SDK2: variants seen among roughly 807,000 people sequenced by gnomAD.
SDK2 encodes protein sidekick-2.
Under a neutral mutation model 253.9 loss-of-function variants are expected in SDK2, and 105 were observed. The ratio of observed to expected loss-of-function variants is 0.41; its 90% CI spans 0.35 to 0.49. The LOEUF (loss-of-function observed/expected upper bound fraction) is 0.49, where lower values mean the gene tolerates loss of function less well. Among genes scored for constraint, SDK2 ranks in the 20% least tolerant of loss-of-function variants. SDK2 has a pLI of 0.06. For missense variants in SDK2, 2,608 were observed against 3,003.0 expected, an observed-to-expected ratio of 0.87 and a Z score of 3.07; for synonymous variants, 1,249 against 1,234.9, an observed-to-expected ratio of 1.01 and a Z score of -0.24.
rs2063592560 is a variant in SDK2, at chr17:73,465,781, G to A, written c.331+6331C>T. ...TTGGGAAGGGGGCTGGGTGCCAGGG[G>A]TTGGCCAGCCTGGCTCCATGATAGG... is the stretch of plus-strand genomic sequence containing the variant. On this transcript the variant is annotated intron_variant, in intron 3 of 44. Coordinates refer to ENST00000392650, the MANE Select transcript of SDK2 (RefSeq NM_001144952.2). The surrounding 1 kb of genome is among the most constrained non-coding windows in gnomAD (Gnocchi z 4.2). Among the ~76,000 whole-genome samples the A allele has an allele frequency of 6.6e-6, 1 of 152,188 alleles. No individual in the cohort carries two copies. The highest frequency in any genetic ancestry group is 2.4e-5 in the African/African-American group (1 of 41,448).
intron 1 of SDK2, among the ~76,000 whole-genome samples, chr17:73,633,247 C>A (rs543443831): frequency 1.3e-5 from 2 of 152,088 alleles, no homozygotes; most frequent in Admixed American, 1.3e-4. Context: ...ACTACGCCAC[C>A]GCCCTCCAGC....
At position 73,616,328 on chromosome 17, in the gene SDK2, A is replaced by G. The variant is rs554186674; in HGVS notation, c.64+27697T>C. Among the ~76,000 whole-genome samples the G allele has an allele frequency of 6.6e-6, 1 of 151,300 alleles. No individual in the cohort carries two copies. Among genetic ancestry groups the G allele is most frequent in the African/African-American group, 2.4e-5 (1 of 41,070 alleles). ...ATTTCCACCCCCGGCTCCCCACCTC[A>G]ACAGTCTCCCCAGCCCCAGCTCAGC... On this transcript the variant is annotated intron_variant, in intron 1 of 44. Coordinates refer to ENST00000392650, the MANE Select transcript of SDK2 (RefSeq NM_001144952.2). This position sits in a 1 kb window ranked among gnomAD's most constrained non-coding sequence, Gnocchi z 5.2.
chr17:73,401,112 G>A lies in SDK2; in HGVS notation c.2879C>T (p.Ala960Val), dbSNP rs139022524. Residue 960 changes from alanine to valine, a missense_variant, in exon 21 of 45, where the codon GCG becomes GTG. This residue lies in a region of SDK2 where 1,505 missense variants were observed against 1,859.1 expected (regional missense o/e 0.81). Coordinates refer to ENST00000392650, the MANE Select transcript of SDK2 (RefSeq NM_001144952.2). ...TLEYRVTGLT[A>V]LTTYTIEVAA... ...CACCTCGATGGTGTAGGTGGTGAGC[G>A]CGGTGAGGCCCGTGACACGGTACTC... 14 of 1,564,998 alleles carry A rather than the reference G, an allele frequency of 8.9e-6. No individual in the cohort carries two copies. The highest frequency in any genetic ancestry group is 3.8e-5 in the Admixed American group (2 of 52,470).
chr17:73,390,230 C>G, intron 29 of SDK2, 57 bp downstream of exon 29: 1 of 1,427,966 alleles, frequency 7.0e-7, no homozygotes, highest in South Asian at 1.4e-5. Context: ...GCTCAGAGCA[C>G]TGGCTGGCCC....
chr17:73,447,395 G>T lies in SDK2; in HGVS notation c.613+220C>A, dbSNP rs941359038. ...TCTCTACCGATGCAGGATCTCAGGC[G>T]TGTCATGGGAACGGGCTCCAGCGTT... On this transcript the variant is annotated intron_variant, in intron 5 of 44. Coordinates refer to ENST00000392650, the MANE Select transcript of SDK2 (RefSeq NM_001144952.2). The surrounding 1 kb of genome is among the most constrained non-coding windows in gnomAD (Gnocchi z 4.0). 6.6e-6 allele frequency among the ~76,000 whole-genome samples: 1 copy of T among 152,050 alleles called. No individual in the cohort carries two copies. The highest frequency in any genetic ancestry group is 2.4e-5 in the African/African-American group (1 of 41,382).
intron 8 of SDK2, among the ~76,000 whole-genome samples, chr17:73,436,143 C>T (rs929375490): frequency 2.0e-5 from 3 of 152,118 alleles, no homozygotes; most frequent in Non-Finnish European, 1.5e-5. Context: ...AAACGAATGG[C>T]GCCCTGTGTC....
rs1213972093 is a variant in SDK2, at chr17:73,401,212, C to T, written c.2780-1G>A. The T allele has an allele frequency of 1.3e-6, 2 of 1,544,110 alleles. No homozygotes were observed. Among genetic ancestry groups the T allele is most frequent in the Non-Finnish European group, 1.8e-6 (2 of 1,141,556 alleles). ...TACTCCTCCCAGGAGATCCGGTACCCTGGGGAGAGCCGCCGTGTTGGCATG... is the reference window on the plus strand; with the variant it reads ...TACTCCTCCCAGGAGATCCGGTACCTTGGGGAGAGCCGCCGTGTTGGCATG... On this transcript the variant is annotated splice_acceptor_variant, in intron 20 of 44. Coordinates refer to ENST00000392650, the MANE Select transcript of SDK2 (RefSeq NM_001144952.2). LOFTEE classifies it high-confidence loss of function.
At chr17:73,355,905 G>A (rs1187011494) in intron 40 of SDK2, among the ~76,000 whole-genome samples, 4 of 152,166 alleles carry the variant, frequency 2.6e-5, no homozygotes, top group Non-Finnish European at 5.9e-5. Flanking sequence ...ACATGCCTCT[G>A]AATTCTCTCA....
chr17:73,506,493 A>G (rs77113071), intron 2 of SDK2, among the ~76,000 whole-genome samples: 5,027 of 152,010 alleles, frequency 0.033, 170 homozygotes, highest in East Asian at 0.16. Context: ...TGGCCTCCGC[A>G]CTCCCTAAAG....
At chr17:73,578,190 G>T (rs1254696448) in intron 1 of SDK2, among the ~76,000 whole-genome samples, 1 of 151,960 alleles carries the variant, frequency 6.6e-6, no homozygotes, top group South Asian at 2.1e-4. Flanking sequence ...CTCCCGAGTA[G>T]CTGGGATTAC....
intron 1 of SDK2, among the ~76,000 whole-genome samples, chr17:73,621,280 G>C (rs1198756274): frequency 6.6e-6 from 1 of 152,220 alleles, no homozygotes; most frequent in Non-Finnish European, 1.5e-5. Flanking sequence ...AGAGTTTGCA[G>C]TTTGAATCAA....
rs7209444 is a variant in SDK2 at position 73,447,870 on chromosome 17, C to A, written c.480-122G>T. 52 of 1,144,462 alleles carry A rather than the reference C, an allele frequency of 4.5e-5. No individual in the cohort carries two copies. Among genetic ancestry groups the A allele is most frequent in the South Asian group, 3.0e-4 (20 of 66,276 alleles). 70.9% of individuals were successfully genotyped at this position (1,144,462 alleles called of 1,614,324 possible). The stretch of plus-strand genomic sequence containing the variant: ...TCTCCCAGTCCCCAGCCTCCCAGGG[C>A]CCCTCCTGCCACCCCCTCCCCAACC... On this transcript the variant is annotated intron_variant, in intron 4 of 44. Transcript: ENST00000392650. This position sits in a 1 kb window ranked among gnomAD's most constrained non-coding sequence, Gnocchi z 4.0.
At chr17:73,469,988 G>GCACACA (rs1405188875) in intron 3 of SDK2, among the ~76,000 whole-genome samples, 269 of 112,378 alleles carry the variant, frequency 2.4e-3, no homozygotes, top group African/African-American at 8.2e-3. Context: ...GACTGCGCGC[G>GCACACA]CGCGCACACA....
chr17:73,350,447 C>A, intron 42 of SDK2, 72 bp from the exon 43 acceptor site: 1 of 1,541,484 alleles, frequency 6.5e-7, no homozygotes, highest in Non-Finnish European at 8.7e-7. Flanking sequence ...CTCCACCTGG[C>A]TGGGTTATCC....
chr17:73,414,999 G>A (rs867088466), intron 17 of SDK2, among the ~76,000 whole-genome samples: 8 of 152,168 alleles, frequency 5.3e-5, no homozygotes, highest in South Asian at 2.1e-4. Flanking sequence ...AGAGGGGTGC[G>A]GATGAAAAAT....
At chr17:73,418,017 T>TTTTG (rs1185766994) in intron 16 of SDK2, among the ~76,000 whole-genome samples, 1 of 149,246 alleles carries the variant, frequency 6.7e-6, no homozygotes, top group Admixed American at 6.7e-5. Context: ...TGAGTTTTTT[T>TTTTG]TTTTTTTTTT....
Position 73,642,778 on chromosome 17 carries a change from C to T in SDK2, c.64+1247G>A, listed in dbSNP as rs777281556. On this transcript the variant is annotated intron_variant, in intron 1 of 44. Coordinates refer to ENST00000392650, the MANE Select transcript of SDK2 (RefSeq NM_001144952.2). This position sits in a 1 kb window ranked among gnomAD's most constrained non-coding sequence, Gnocchi z 4.7. ...TACCCTACATTTATAGGGCTCGTTACAAAATTTCGAAGTGCTTTTATGTAA... is the reference window on the plus strand; with the variant it reads ...TACCCTACATTTATAGGGCTCGTTATAAAATTTCGAAGTGCTTTTATGTAA... 5.3e-5 allele frequency among the ~76,000 whole-genome samples: 8 copies of T among 152,168 alleles called. No homozygotes were observed. The highest frequency in any genetic ancestry group is 1.0e-4 in the Non-Finnish European group (7 of 68,022).
chr17:73,422,424 C>T lies in SDK2; in HGVS notation c.1908G>A (p.Trp636Ter), dbSNP rs770127208. The T allele has an allele frequency of 6.2e-7, 1 of 1,613,742 alleles. No individual in the cohort carries two copies. Among genetic ancestry groups the T allele is most frequent in the African/African-American group, 1.3e-5 (1 of 74,920 alleles). ...GGTCCACACTGGCCAGGAGTACAGT[C>T]CAGGGGGCATCTGCAGGGACAGTGA... ...ILEMSENNAP[W>*]TVLLASVDPK... Residue 636 changes from tryptophan to a stop codon, truncating the protein, a stop_gained, in exon 15 of 45, where the codon TGG (tryptophan) becomes TGA (stop). Transcript: ENST00000392650. LOFTEE classifies it high-confidence loss of function.
chr17:73,481,960 G>A lies in SDK2; in HGVS notation c.225-9742C>T, dbSNP rs73996348. ...TGCTTCTGCTTCTCTGCACAACCCC[G>A]ACTAATACACCGACCGTAGAATATG... On this transcript the variant is annotated intron_variant, in intron 2 of 44. Transcript: ENST00000392650. This position sits in a 1 kb window ranked among gnomAD's most constrained non-coding sequence, Gnocchi z 4.5. Among the ~76,000 whole-genome samples, 5,198 of 152,178 alleles carry A rather than the reference G, an allele frequency of 0.034. 292 individuals are homozygous for A. The highest frequency in any genetic ancestry group is 0.12 in the African/African-American group (4,900 of 41,494).
Sources: gnomAD v4.1 joint callset for allele counts (sites outside exome capture counted in the v4.1 genomes callset) on GRCh38, gnomAD v4.1.1 for gene constraint, gnomAD v4.1.1 regional missense constraint, Gnocchi (gnomAD v3.1) non-coding constraint, MANE v1.5 for transcripts, NCBI Gene and HGNC (gene_info 2026-07-23, HGNC 2026-07-21) for gene names.